Variants in ABCA13 observed in about 807,000 individuals in gnomAD.
ABCA13 encodes ATP-binding cassette sub-family A member 13.
Under a neutral mutation model 478.7 loss-of-function variants are expected in ABCA13, and 476 were observed. That is an observed-to-expected ratio of 0.99 (90% confidence interval 0.92 to 1.07). ABCA13 has a LOEUF of 1.07. Ranked by LOEUF, ABCA13 falls within the 50% of genes least tolerant of loss-of-function variation. ABCA13 has a pLI of 0.00. For missense variants in ABCA13, 6,060 were observed against 5,910.6 expected, an observed-to-expected ratio of 1.03 and a Z score of -0.83; for synonymous variants, 2,252 against 2,158.9, an observed-to-expected ratio of 1.04 and a Z score of -1.20.
At chr7:48,371,558 T>C (rs1812638065) in intron 32 of ABCA13, among the ~76,000 whole-genome samples, 1 of 152,198 alleles carries the variant, frequency 6.6e-6, no homozygotes, top group Non-Finnish European at 1.5e-5. Flanking sequence ...CAATTGTGAA[T>C]GGGAGTTCAT....
chr7:48,451,598 G>C (rs904459470), intron 42 of ABCA13, among the ~76,000 whole-genome samples: 2 of 152,054 alleles, frequency 1.3e-5, no homozygotes, highest in Admixed American at 6.6e-5. Flanking sequence ...TTTATTAACT[G>C]TATATTCCTG....
intron 17 of ABCA13, among the ~76,000 whole-genome samples, chr7:48,276,774 C>T (rs372105012): frequency 6.6e-6 from 1 of 151,910 alleles, no homozygotes; most frequent in Non-Finnish European, 1.5e-5. Flanking sequence ...TAAACCCAGC[C>T]CAGGGTAATT....
chr7:48,543,907 A>C (rs559442189), intron 55 of ABCA13, among the ~76,000 whole-genome samples: 60 of 151,870 alleles, frequency 4.0e-4, no homozygotes, highest in African/African-American at 1.4e-3. Context: ...TATAAAAAAT[A>C]CTTGGGCTAA....
At chr7:48,470,550 T>C (rs1308300136) in intron 44 of ABCA13, among the ~76,000 whole-genome samples, 1 of 152,232 alleles carries the variant, frequency 6.6e-6, no homozygotes, top group Non-Finnish European at 1.5e-5. Context: ...AGTTTCAAAC[T>C]GGAGTCCCTA....
chr7:48,555,743 T>C (rs1023481039), intron 55 of ABCA13, among the ~76,000 whole-genome samples: 1 of 151,830 alleles, frequency 6.6e-6, no homozygotes, highest in African/African-American at 2.4e-5. Flanking sequence ...GTCAATTTTA[T>C]TTATCTTTTC....
intron 5 of ABCA13, among the ~76,000 whole-genome samples, chr7:48,224,396 T>C (rs1311234342): frequency 1.3e-5 from 2 of 152,226 alleles, no homozygotes; most frequent in Admixed American, 1.3e-4. Context: ...CCCCCAGCAA[T>C]GGTTCAACTC....
chr7:48,441,851 C>T (rs149759070), intron 42 of ABCA13, among the ~76,000 whole-genome samples: 2 of 152,070 alleles, frequency 1.3e-5, no homozygotes, highest in Admixed American at 1.3e-4. Flanking sequence ...ATAGAGACTG[C>T]GAACTCTAAA....
intron 42 of ABCA13, among the ~76,000 whole-genome samples, chr7:48,453,235 ATTT>A (rs33949393): frequency 0.18 from 26,264 of 145,226 alleles, 2,529 homozygotes; most frequent in African/African-American, 0.26. Flanking sequence ...GGAGATTGGG[ATTT>A]TTTTTTTTTT....
In ABCA13 at chr7:48,295,851, A is replaced by C. The variant is rs1799283708; in HGVS notation, c.9107A>C (p.Gln3036Pro). ...TSQPRLETVQ[Q>P]HLYMLAKSLE... ...CAGCCGAGGCTGGAGACGGTGCAGCAGCACTTGTACATGTATGCTCTGATA... is the reference window on the plus strand; with the variant it reads ...CAGCCGAGGCTGGAGACGGTGCAGCCGCACTTGTACATGTATGCTCTGATA... The change falls in exon 21 of 62, where the codon CAG becomes CCG. Residue 3036 changes from glutamine to proline, a missense_variant. Coordinates refer to ENST00000435803, the MANE Select transcript of ABCA13 (RefSeq NM_152701.5). 10 of 1,612,254 alleles carry C rather than the reference A, an allele frequency of 6.2e-6. No individual in the cohort carries two copies. The East Asian group carries it at 2.2e-4, about 36-fold the overall frequency.
intron 48 of ABCA13, among the ~76,000 whole-genome samples, chr7:48,490,802 G>A (rs17132383): frequency 0.14 from 20,891 of 152,078 alleles, 1,838 homozygotes; most frequent in African/African-American, 0.23. Flanking sequence ...AGTAAGCAAT[G>A]GACAGGCTTT....
In ABCA13 at chr7:48,278,983, T is replaced by C; in HGVS notation, c.7789T>C (p.Leu2597=). ...INDLLVPFLD[L]AFEMIGVEPY... is the part of the protein sequence containing the mutation. ...TGATTTGTTGGTGCCATTTCTTGAC[T>C]TGGCCTTTGAAATGATTGGGGTAGA... Residue 2597 remains leucine, a synonymous_variant, in exon 18 of 62, where the codon TTG becomes CTG. Coordinates refer to ENST00000435803, the MANE Select transcript of ABCA13 (RefSeq NM_152701.5). 1.2e-6 allele frequency: 2 copies of C among 1,613,432 alleles called. No individual in the cohort carries two copies. The highest frequency in any genetic ancestry group is 1.7e-6 in the Non-Finnish European group (2 of 1,179,804).
chr7:48,192,562 A>T (rs974705760), intron 1 of ABCA13, among the ~76,000 whole-genome samples: 2 of 152,236 alleles, frequency 1.3e-5, no homozygotes, highest in Admixed American at 1.3e-4. Flanking sequence ...AGTGGATGCT[A>T]CCACCAAAGC....
Position 48,646,589 on chromosome 7 carries a change from G to A in ABCA13, c.*1077G>A, listed in dbSNP as rs1387202002. On this transcript the variant is annotated 3_prime_UTR_variant, in exon 62 of 62. Coordinates refer to ENST00000435803, the MANE Select transcript of ABCA13 (RefSeq NM_152701.5). ...GGCTGGAGTGCAGTGGCGCGATGTCGGCTCACTGCAAGCTCCGCCTCCTGG... is the reference window on the plus strand; with the variant it reads ...GGCTGGAGTGCAGTGGCGCGATGTCAGCTCACTGCAAGCTCCGCCTCCTGG... 1 of 151,854 alleles carries A rather than the reference G, an allele frequency of 6.6e-6. No homozygotes were observed. Among genetic ancestry groups the A allele is most frequent in the East Asian group, 1.9e-4 (1 of 5,154 alleles). 9.4% of individuals were successfully genotyped at this position (151,854 alleles called of 1,614,324 possible).
rs763396002 is a variant in ABCA13 at position 48,489,240 on chromosome 7, G to A, written c.13187G>A (p.Trp4396Ter). 24 of 1,606,770 alleles carry A rather than the reference G, an allele frequency of 1.5e-5. No homozygotes were observed. Among genetic ancestry groups the A allele is most frequent in the Middle Eastern group, 1.6e-4 (1 of 6,072 alleles). ...AAATTATCTTTCTTTTTTTAGGTGT[G>A]GTATAATCAGAAGGGTTTTCATTCC... ...ISKPPTLAKV[W>*]YNQKGFHSLP... Residue 4396 changes from tryptophan to a stop codon, truncating the protein, a stop_gained, in exon 48 of 62, where the codon TGG becomes TAG. Coordinates refer to ENST00000435803, the MANE Select transcript of ABCA13 (RefSeq NM_152701.5). LOFTEE classifies it high-confidence loss of function.
At chr7:48,329,614 T>C (rs1428866784) in intron 27 of ABCA13, among the ~76,000 whole-genome samples, 1 of 149,056 alleles carries the variant, frequency 6.7e-6, no homozygotes, top group Non-Finnish European at 1.5e-5. Context: ...TCCATCCATC[T>C]GTCCATCCAT....
At chr7:48,386,118 A>T (rs1466361492) in intron 35 of ABCA13, among the ~76,000 whole-genome samples, 7 of 152,190 alleles carry the variant, frequency 4.6e-5, no homozygotes, top group African/African-American at 1.7e-4. Context: ...CCAGAGTTAA[A>T]TCAGTAACAA....
At chr7:48,330,433 A>G (rs916778786) in intron 27 of ABCA13, among the ~76,000 whole-genome samples, 1 of 149,958 alleles carries the variant, frequency 6.7e-6, no homozygotes, top group Non-Finnish European at 1.5e-5. Context: ...CTATTCAACC[A>G]TCCACACACC....
chr7:48,467,079 C>T, intron 44 of ABCA13, 34 bp downstream of exon 44: 3 of 1,570,606 alleles, frequency 1.9e-6, no homozygotes, highest in Non-Finnish European at 2.6e-6. Flanking sequence ...AAAGTGAACA[C>T]TCCCAACTGG....
chr7:48,425,041 C>G (rs537504495), intron 41 of ABCA13, among the ~76,000 whole-genome samples: 1 of 152,144 alleles, frequency 6.6e-6, no homozygotes, highest in Non-Finnish European at 1.5e-5. Context: ...CCAGAATTTT[C>G]AGACACATTG....
Sources: allele counts gnomAD v4.1 joint callset (sites outside exome capture counted in the v4.1 genomes callset), GRCh38; gene constraint gnomAD v4.1.1; transcripts MANE v1.5; gene names NCBI Gene and HGNC (gene_info 2026-07-23, HGNC 2026-07-21).